CAMK4: variants seen among roughly 807,000 people sequenced by gnomAD.
CAMK4 encodes the protein calcium/calmodulin dependent protein kinase IV.
A neutral mutation model predicts 44.9 loss-of-function variants in CAMK4; 22 were observed. The ratio of observed to expected loss-of-function variants is 0.49; its 90% CI spans 0.35 to 0.70. CAMK4 has a LOEUF of 0.70. Ranked by LOEUF, CAMK4 falls within the 30% of genes least tolerant of loss-of-function variation. The probability of loss-of-function intolerance (pLI) is 0.01; values close to 1 mark genes in which losing one functional copy is unlikely to be tolerated. For synonymous variants in CAMK4, 218 were observed against 215.4 expected (o/e 1.01, Z -0.11); for missense variants, 498 against 586.8 (o/e 0.85, Z 1.56).
At chr5:111,396,493 A>G (rs1199887092) in intron 5 of CAMK4, among the ~76,000 whole-genome samples, 1 of 152,050 alleles carries the variant, frequency 6.6e-6, no homozygotes, top group Non-Finnish European at 1.5e-5. Flanking sequence ...TTCTTATCTT[A>G]CATAGACCTT....
intron 2 of CAMK4, among the ~76,000 whole-genome samples, chr5:111,367,408 G>T (rs765069353): frequency 1.3e-5 from 2 of 151,850 alleles, no homozygotes; most frequent in African/African-American, 4.8e-5. Context: ...TGATACAATG[G>T]CAATTAAGTT....
intron 7 of CAMK4, among the ~76,000 whole-genome samples, chr5:111,461,914 C>A (rs1007839201): frequency 2.0e-5 from 3 of 148,142 alleles, no homozygotes; most frequent in Non-Finnish European, 4.5e-5. Flanking sequence ...GCAAATAGAT[C>A]TTTTCCCATA....
At chr5:111,285,927 G>A (rs1395692045) in intron 1 of CAMK4, among the ~76,000 whole-genome samples, 1 of 152,156 alleles carries the variant, frequency 6.6e-6, no homozygotes, top group African/African-American at 2.4e-5. Flanking sequence ...CTGGTGAGAA[G>A]GACCCTTCAT....
chr5:111,320,542 C>G lies in CAMK4; in HGVS notation c.162-23482C>G, dbSNP rs116721771. On this transcript the variant is annotated intron_variant, in intron 1 of 10. Coordinates refer to ENST00000282356, the MANE Select transcript of CAMK4 (RefSeq NM_001744.6). ...TTTGCTTTTGAGATGGAGTTTCGCTCGTTGCCCAGGGTGGAGTGCAATGGC... is the reference window on the plus strand; with the variant it reads ...TTTGCTTTTGAGATGGAGTTTCGCTGGTTGCCCAGGGTGGAGTGCAATGGC... Among the ~76,000 whole-genome samples, 919 of 152,176 alleles carry G rather than the reference C, an allele frequency of 6.0e-3. 5 individuals carry two copies. The highest frequency in any genetic ancestry group is 0.021 in the African/African-American group (889 of 41,546).
intron 1 of CAMK4, among the ~76,000 whole-genome samples, chr5:111,324,163 G>GA (rs1263470155): frequency 9.2e-5 from 14 of 151,702 alleles, no homozygotes; most frequent in Admixed American, 9.2e-4. Context: ...CAGGAAAGTA[G>GA]AAAAAATGAA....
chr5:111,327,866 T>G (rs1470353735), intron 1 of CAMK4, among the ~76,000 whole-genome samples: 3 of 146,702 alleles, frequency 2.0e-5, no homozygotes, highest in African/African-American at 7.8e-5. Context: ...GTTTGTTTTT[T>G]TCTTGTAAAT....
Position 111,290,479 on chromosome 5 carries a change from C to A in CAMK4, c.162-53545C>A, listed in dbSNP as rs1470809494. Among the ~76,000 whole-genome samples, 1 of 152,184 alleles carries A rather than the reference C, an allele frequency of 6.6e-6. No individual in the cohort carries two copies. Among genetic ancestry groups the A allele is most frequent in the Admixed American group, 6.5e-5 (1 of 15,284 alleles). ...CAGGAAATGAAGGAATGCCAATATA[C>A]AGATGTGTGAGCCCAAAGTATAACT... On this transcript the variant is annotated intron_variant, in intron 1 of 10. Transcript: ENST00000282356. The surrounding 1 kb of genome is among the most constrained non-coding windows in gnomAD (Gnocchi z 4.5).
chr5:111,400,389 T>G (rs564552385), intron 5 of CAMK4, among the ~76,000 whole-genome samples: 1 of 152,232 alleles, frequency 6.6e-6, no homozygotes, highest in African/African-American at 2.4e-5. Context: ...TTGGGACAGG[T>G]GGGAACTCAG....
At chr5:111,460,934 A>C (rs1316069280) in intron 7 of CAMK4, among the ~76,000 whole-genome samples, 4 of 152,256 alleles carry the variant, frequency 2.6e-5, no homozygotes, top group East Asian at 1.9e-4. Context: ...ATAAAAAATA[A>C]GATGAGGGAA....
chr5:111,255,061 TA>T (rs35350643), intron 1 of CAMK4, among the ~76,000 whole-genome samples: 64,341 of 148,566 alleles, frequency 0.43, 13,848 homozygotes, highest in Non-Finnish European at 0.46. Flanking sequence ...ACTTAGTACT[TA>T]AAAAAAAAAA....
chr5:111,376,943 G>C lies in CAMK4; in HGVS notation c.386+1G>C. Reference sequence around the variant, plus strand: ...TCACAGGAGGAGAACTGTTTGATAGGTGAGTTGGTTCTGGAAATATAACCA... The same window carrying C: ...TCACAGGAGGAGAACTGTTTGATAGCTGAGTTGGTTCTGGAAATATAACCA... On this transcript the variant is annotated splice_donor_variant, in intron 4 of 10. Transcript: ENST00000282356. LOFTEE classifies it high-confidence loss of function. 6.3e-7 allele frequency: 1 copy of C among 1,582,822 alleles called. No homozygotes were observed.
chr5:111,234,546 C>T (rs542246238), intron 1 of CAMK4, among the ~76,000 whole-genome samples: 2 of 152,162 alleles, frequency 1.3e-5, no homozygotes, highest in African/African-American at 2.4e-5. Flanking sequence ...TAATGCACTT[C>T]GTGGCAAATT....
At chr5:111,248,970 G>C (rs761268197) in intron 1 of CAMK4, among the ~76,000 whole-genome samples, 1 of 149,602 alleles carries the variant, frequency 6.7e-6, no homozygotes, top group South Asian at 2.2e-4. Context: ...GGCGGTGTGT[G>C]GGGGGGTCAC....
At chr5:111,363,195 A>G (rs1750662260) in intron 2 of CAMK4, among the ~76,000 whole-genome samples, 1 of 152,102 alleles carries the variant, frequency 6.6e-6, no homozygotes, top group Non-Finnish European at 1.5e-5. Flanking sequence ...TTGAAAGAGA[A>G]TCTAGAGGCT....
intron 1 of CAMK4, among the ~76,000 whole-genome samples, chr5:111,225,272 T>G (rs1202628817): frequency 6.6e-6 from 1 of 152,180 alleles, no homozygotes; most frequent in Non-Finnish European, 1.5e-5. Context: ...ATGCTGCTGC[T>G]TCCCTTCTTT....
Position 111,273,691 on chromosome 5 carries a change from A to ATATATATATATT in CAMK4, c.161+49058_161+49059insTTATATATATAT, listed in dbSNP as rs1237297564. ...AAAAAATGCATTTATATATATATAT[A>ATATATATATATT]TATATATATATATATATATATATAT... On this transcript the variant is annotated intron_variant, in intron 1 of 10. Transcript: ENST00000282356. Among the ~76,000 whole-genome samples, 220 of 50,158 alleles carry ATATATATATATT rather than the reference A, an allele frequency of 4.4e-3. 1 individual carries two copies. The highest frequency in any genetic ancestry group is 6.1e-3 in the Non-Finnish European group (184 of 30,156). The allele number at this position is 50,158 out of a possible 152,430, so 32.9% of individuals were successfully genotyped here. A position where few individuals can be genotyped will look rare whatever the true frequency, so the allele number is the denominator to read the frequency against.
At chr5:111,329,892 A>T (rs1749084631) in intron 1 of CAMK4, among the ~76,000 whole-genome samples, 1 of 151,806 alleles carries the variant, frequency 6.6e-6, no homozygotes, top group African/African-American at 2.4e-5. Context: ...TGTCATTTTT[A>T]TTGATGAAAA....
At chr5:111,407,478 GA>G (rs1752479553) in intron 5 of CAMK4, among the ~76,000 whole-genome samples, 1 of 151,982 alleles carries the variant, frequency 6.6e-6, no homozygotes, top group African/African-American at 2.4e-5. Flanking sequence ...TAAAGAGAAG[GA>G]AAAAAGTGAG....
At chr5:111,441,157 T>C (rs1753809587) in intron 5 of CAMK4, among the ~76,000 whole-genome samples, 1 of 152,050 alleles carries the variant, frequency 6.6e-6, no homozygotes, top group South Asian at 2.1e-4. Flanking sequence ...GCAAAAAAAA[T>C]CTCAATATAC....
Sources: allele counts gnomAD v4.1 joint callset (sites outside exome capture counted in the v4.1 genomes callset), GRCh38; gene constraint gnomAD v4.1.1; non-coding constraint Gnocchi (gnomAD v3.1); transcripts MANE v1.5; gene names NCBI Gene and HGNC (gene_info 2026-07-23, HGNC 2026-07-21).